Variants in AGBL4 observed in about 807,000 individuals in gnomAD.
AGBL4 encodes cytosolic carboxypeptidase 6.
Under a neutral mutation model 66.4 loss-of-function variants are expected in AGBL4, and 58 were observed. The observed-to-expected ratio is 0.87, with a 90% CI of 0.71 to 1.09. The LOEUF is 1.09. Ranked by LOEUF, AGBL4 falls within the 50% of genes least tolerant of loss-of-function variation. AGBL4 has a pLI of 0.00. For missense variants in AGBL4, 579 were observed against 631.0 expected (o/e 0.92, Z 0.88); for synonymous variants, 234 against 222.9 (o/e 1.05, Z -0.44).
intron 5 of AGBL4, among the ~76,000 whole-genome samples, chr1:48,960,136 G>C (rs1308377356): frequency 6.6e-6 from 1 of 152,126 alleles, no homozygotes; most frequent in Non-Finnish European, 1.5e-5. Flanking sequence ...GATGGTTTGG[G>C]ACAAGGAGGT....
intron 9 of AGBL4, among the ~76,000 whole-genome samples, chr1:48,625,476 G>A (rs1020632322): frequency 6.6e-6 from 1 of 152,192 alleles, no homozygotes; most frequent in Admixed American, 6.5e-5. Flanking sequence ...GTGTGTAGTG[G>A]AGTATGGGAG....
In AGBL4 at chr1:48,638,476, T is replaced by A. The variant is rs555478689; in HGVS notation, c.840-3872A>T. On this transcript the variant is annotated intron_variant, in intron 8 of 13. Transcript: ENST00000371839. ...GTCTATAAATGGACCAGGAGAATTC[T>A]CAGAAACACATAAACATTGAACAAA... is the stretch of plus-strand genomic sequence containing the variant. 3.3e-5 allele frequency among the ~76,000 whole-genome samples: 5 copies of A among 152,358 alleles called. No individual in the cohort carries two copies. In the East Asian group the frequency reaches 9.6e-4, roughly 29 times the overall value.
At chr1:49,661,397 T>C (rs1646266856) in intron 3 of AGBL4, among the ~76,000 whole-genome samples, 1 of 152,102 alleles carries the variant, frequency 6.6e-6, no homozygotes, top group Non-Finnish European at 1.5e-5. Flanking sequence ...CCCTCATGAA[T>C]GGCTTTGTGC....
intron 3 of AGBL4, among the ~76,000 whole-genome samples, chr1:49,444,186 C>A (rs1426920452): frequency 1.3e-5 from 2 of 151,780 alleles, no homozygotes; most frequent in Non-Finnish European, 1.5e-5. Context: ...AACATATGGT[C>A]TATTTTGGAG....
intron 3 of AGBL4, among the ~76,000 whole-genome samples, chr1:49,455,068 G>A (rs528824241): frequency 1.3e-5 from 2 of 151,720 alleles, no homozygotes; most frequent in East Asian, 3.9e-4. Flanking sequence ...CTAGCTAAAA[G>A]GTGGTTACAA....
intron 3 of AGBL4, among the ~76,000 whole-genome samples, chr1:49,412,299 A>G (rs1340878561): frequency 6.6e-6 from 1 of 152,008 alleles, no homozygotes; most frequent in Non-Finnish European, 1.5e-5. Context: ...GCAGACAACC[A>G]ACTTCTCCTT....
intron 3 of AGBL4, among the ~76,000 whole-genome samples, chr1:49,623,024 T>A (rs1237424699): frequency 6.6e-6 from 1 of 151,940 alleles, no homozygotes; most frequent in East Asian, 1.9e-4. Flanking sequence ...ACACACACAC[T>A]CTCTCTCTCA....
intron 2 of AGBL4, among the ~76,000 whole-genome samples, chr1:49,798,594 A>G (rs528564825): frequency 2.0e-5 from 3 of 152,284 alleles, no homozygotes; most frequent in Non-Finnish European, 4.4e-5. Flanking sequence ...ATGTTTCTCT[A>G]TGAGGCATCT....
intron 5 of AGBL4, among the ~76,000 whole-genome samples, chr1:49,013,921 T>C (rs1235244547): frequency 6.6e-6 from 1 of 152,212 alleles, no homozygotes; most frequent in Non-Finnish European, 1.5e-5. Context: ...GCAAGCCATT[T>C]CTATTTGTCC....
At chr1:49,592,927 T>G (rs918298212) in intron 3 of AGBL4, among the ~76,000 whole-genome samples, 1 of 152,220 alleles carries the variant, frequency 6.6e-6, no homozygotes, top group African/African-American at 2.4e-5. Context: ...ACTAGCAATT[T>G]AATCAAATTC....
intron 4 of AGBL4, among the ~76,000 whole-genome samples, chr1:49,124,558 A>G (rs550967576): frequency 6.6e-6 from 1 of 152,310 alleles, no homozygotes; most frequent in South Asian, 2.1e-4. Flanking sequence ...ATGGAGAGGA[A>G]CAGGATCTGG....
At chr1:48,552,550 G>C (rs1644264465) in intron 11 of AGBL4, among the ~76,000 whole-genome samples, 1 of 152,228 alleles carries the variant, frequency 6.6e-6, no homozygotes, top group Non-Finnish European at 1.5e-5. Context: ...AAATGATTCT[G>C]TGTTGTGGGG....
At chr1:48,897,912 C>T (rs1018045482) in intron 5 of AGBL4, among the ~76,000 whole-genome samples, 1 of 150,238 alleles carries the variant, frequency 6.7e-6, no homozygotes, top group African/African-American at 2.5e-5. Context: ...TGGGTTCAAG[C>T]GATTCTCCTG....
intron 4 of AGBL4, among the ~76,000 whole-genome samples, chr1:49,225,631 C>T (rs886250569): frequency 2.0e-5 from 3 of 152,208 alleles, no homozygotes; most frequent in South Asian, 2.1e-4. Context: ...ATTATTCTTA[C>T]ATTGGCACGG....
chr1:49,435,161 T>C (rs1645875521), intron 3 of AGBL4, among the ~76,000 whole-genome samples: 1 of 152,354 alleles, frequency 6.6e-6, no homozygotes, highest in East Asian at 1.9e-4. Context: ...TATTTGAGCA[T>C]TCATTTACTT....
At chr1:49,810,099 C>A (rs1359062287) in intron 2 of AGBL4, among the ~76,000 whole-genome samples, 1 of 152,010 alleles carries the variant, frequency 6.6e-6, no homozygotes, top group Admixed American at 6.6e-5. Flanking sequence ...TGATCTTTAC[C>A]ACTTTCCTCC....
At chr1:49,145,370 T>A (rs1221027621) in intron 4 of AGBL4, among the ~76,000 whole-genome samples, 1 of 152,176 alleles carries the variant, frequency 6.6e-6, no homozygotes, top group Non-Finnish European at 1.5e-5. Flanking sequence ...TTCCCAACAT[T>A]TCTTACCCTC....
chr1:48,791,301 T>C (rs1300170593), intron 6 of AGBL4, among the ~76,000 whole-genome samples: 1 of 152,202 alleles, frequency 6.6e-6, no homozygotes, highest in Non-Finnish European at 1.5e-5. Context: ...GGTTTAGCAT[T>C]AGAAGAAGCC....
chr1:49,459,103 T>A (rs1403663216), intron 3 of AGBL4, among the ~76,000 whole-genome samples: 1 of 151,522 alleles, frequency 6.6e-6, no homozygotes, highest in Non-Finnish European at 1.5e-5. Context: ...GGTATTAGGG[T>A]GATACTGGCT....
Sources: allele counts gnomAD v4.1 joint callset (sites outside exome capture counted in the v4.1 genomes callset), GRCh38; gene constraint gnomAD v4.1.1; transcripts MANE v1.5; gene names NCBI Gene and HGNC (gene_info 2026-07-23, HGNC 2026-07-21).